GBE1: variants seen among roughly 807,000 people sequenced by gnomAD.
GBE1 encodes the protein 1,4-alpha-glucan branching enzyme 1, also known as 1,4-alpha-glucan-branching enzyme.
A neutral mutation model predicts 88.8 loss-of-function variants in GBE1; 70 were observed. That is an observed-to-expected ratio of 0.79 (90% CI 0.65 to 0.96). The LOEUF (loss-of-function observed/expected upper bound fraction) is 0.96. Ranked by LOEUF, GBE1 falls within the 40% of genes least tolerant of loss-of-function variation. GBE1 has a pLI of 0.00. For missense variants in GBE1, 872 were observed against 871.0 expected (o/e 1.00, Z -0.01); for synonymous variants, 284 against 300.1 (o/e 0.95, Z 0.56).
rs1208032013 is a variant in GBE1, at chr3:81,535,339, C to T, written c.1804-14G>A. 1 of 1,591,300 alleles carries T rather than the reference C, an allele frequency of 6.3e-7. No individual in the cohort carries two copies. The highest frequency in any genetic ancestry group is 2.3e-5 in the East Asian group (1 of 44,428). On this transcript the variant is annotated splice_polypyrimidine_tract_variant and intron_variant, in intron 13 of 15. Transcript: ENST00000429644. ...ACTCACGTAGGCCTGCAAGAATTAGCACACATGTTACATTTAAATAATACC... is the reference window on the plus strand; with the variant it reads ...ACTCACGTAGGCCTGCAAGAATTAGTACACATGTTACATTTAAATAATACC...
intron 2 of GBE1, among the ~76,000 whole-genome samples, chr3:81,678,656 A>G (rs1705295381): frequency 6.6e-6 from 1 of 152,186 alleles, no homozygotes; most frequent in African/African-American, 2.4e-5. Flanking sequence ...ATGCATAGAA[A>G]TTATTCTGAA....
At chr3:81,686,891 T>C (rs1051767054) in intron 2 of GBE1, among the ~76,000 whole-genome samples, 9 of 152,220 alleles carry the variant, frequency 5.9e-5, no homozygotes, top group Non-Finnish European at 8.8e-5. Context: ...TATGCATGTG[T>C]CTATATAGTA....
chr3:81,575,889 A>T (rs1011346359), intron 12 of GBE1, among the ~76,000 whole-genome samples: 2 of 151,914 alleles, frequency 1.3e-5, no homozygotes, highest in East Asian at 3.9e-4. Context: ...TTGTTACTTT[A>T]AAAAAAATGC....
At chr3:81,719,128 T>C (rs1264029962) in intron 1 of GBE1, among the ~76,000 whole-genome samples, 1 of 152,200 alleles carries the variant, frequency 6.6e-6, no homozygotes, top group Non-Finnish European at 1.5e-5. Flanking sequence ...TTGAAAAACA[T>C]TAAAATGTAT....
intron 12 of GBE1, among the ~76,000 whole-genome samples, chr3:81,553,367 T>C (rs1215442187): frequency 1.3e-5 from 2 of 152,116 alleles, no homozygotes; most frequent in African/African-American, 4.8e-5. Flanking sequence ...AGTATTTAAA[T>C]AGCATTATGC....
At chr3:81,698,611 A>C (rs1234637065) in intron 2 of GBE1, among the ~76,000 whole-genome samples, 2 of 152,188 alleles carry the variant, frequency 1.3e-5, no homozygotes, top group Admixed American at 1.3e-4. Flanking sequence ...ATAGTCATAG[A>C]TCATCACTTT....
At chr3:81,599,928 C>T (rs1408204877) in intron 7 of GBE1, among the ~76,000 whole-genome samples, 3 of 152,126 alleles carry the variant, frequency 2.0e-5, no homozygotes, top group South Asian at 2.1e-4. Context: ...TCATATACTC[C>T]TTTTTCATTT....
intron 2 of GBE1, among the ~76,000 whole-genome samples, chr3:81,697,592 G>A (rs1309416972): frequency 6.6e-6 from 1 of 152,238 alleles, no homozygotes; most frequent in East Asian, 1.9e-4. Context: ...GAGCCACTGC[G>A]CCTGGCCCAG....
chr3:81,746,412 G>A (rs920072010), intron 1 of GBE1, among the ~76,000 whole-genome samples: 9 of 151,942 alleles, frequency 5.9e-5, no homozygotes, highest in East Asian at 1.9e-4. Context: ...ACAGGTGCTC[G>A]CCACCATACC....
intron 9 of GBE1, among the ~76,000 whole-genome samples, chr3:81,589,337 T>C (rs1703843975): frequency 6.6e-6 from 1 of 151,758 alleles, no homozygotes; most frequent in East Asian, 1.9e-4. Flanking sequence ...ACTAAAGGAA[T>C]TTAAATAAAA....
At chr3:81,658,759 C>T (rs1462728282) in intron 3 of GBE1, among the ~76,000 whole-genome samples, 1 of 152,108 alleles carries the variant, frequency 6.6e-6, no homozygotes, top group Non-Finnish European at 1.5e-5. Flanking sequence ...ATTACCTGAA[C>T]AAAAACCTTA....
intron 7 of GBE1, chr3:81,612,956 CGAT>C: frequency 2.6e-6 from 1 of 383,812 alleles, no homozygotes; most frequent in Non-Finnish European, 4.9e-6. Flanking sequence ...ATGATGATGA[CGAT>C]GATGACGCAA....
At chr3:81,673,920 A>G (rs1705221396) in intron 2 of GBE1, among the ~76,000 whole-genome samples, 1 of 151,900 alleles carries the variant, frequency 6.6e-6, no homozygotes. Context: ...AAATCTTTAC[A>G]ATATTTACCC....
chr3:81,530,889 T>C (rs1703003166), intron 14 of GBE1, among the ~76,000 whole-genome samples: 1 of 151,880 alleles, frequency 6.6e-6, no homozygotes. Flanking sequence ...CTGCCAGGCC[T>C]GGGTCCTTCC....
chr3:81,749,180 AAACTGGG>A (rs1239374081), intron 1 of GBE1, among the ~76,000 whole-genome samples: 4 of 152,304 alleles, frequency 2.6e-5, no homozygotes, highest in Admixed American at 2.6e-4. Flanking sequence ...TAATAGCCAA[AAACTGGG>A]AACAATCCAA....
At chr3:81,683,528 A>G (rs1043070667) in intron 2 of GBE1, among the ~76,000 whole-genome samples, 4 of 152,212 alleles carry the variant, frequency 2.6e-5, no homozygotes, top group African/African-American at 9.7e-5. Context: ...ACAACATTCA[A>G]AGCTATAAAC....
chr3:81,741,130 T>C (rs2107219427), intron 1 of GBE1, among the ~76,000 whole-genome samples: 1 of 152,240 alleles, frequency 6.6e-6, no homozygotes, highest in East Asian at 1.9e-4. Context: ...CAAATAACAA[T>C]TAACAATACC....
chr3:81,650,882 C>T (rs1471391059), intron 3 of GBE1, among the ~76,000 whole-genome samples: 4 of 152,016 alleles, frequency 2.6e-5, no homozygotes, highest in African/African-American at 9.7e-5. Context: ...CTCTGTGTTG[C>T]CCAGGCTAGT....
intron 7 of GBE1, among the ~76,000 whole-genome samples, chr3:81,617,440 A>G (rs139940954): frequency 1.3e-5 from 2 of 152,138 alleles, no homozygotes; most frequent in East Asian, 3.9e-4. Context: ...ATTTTATTTC[A>G]AATGGGTGTT....
Sources: gnomAD v4.1 joint callset for allele counts (sites outside exome capture counted in the v4.1 genomes callset) on GRCh38, gnomAD v4.1.1 for gene constraint, MANE v1.5 for transcripts, NCBI Gene and HGNC (gene_info 2026-07-23, HGNC 2026-07-21) for gene names.